Variants in NFIA observed in about 807,000 individuals in gnomAD.
NFIA encodes nuclear factor I A, also known as nuclear factor 1 A-type.
A neutral mutation model predicts 62.8 loss-of-function variants in NFIA; 8 were observed. That is an observed-to-expected ratio of 0.13 (90% CI 0.07 to 0.23). NFIA has a LOEUF of 0.23. Ranked by LOEUF, NFIA falls within the 10% of genes least tolerant of loss-of-function variation. The probability of loss-of-function intolerance (pLI) is 1.00; values close to 1 mark genes in which losing one functional copy is unlikely to be tolerated. For synonymous variants in NFIA, 235 were observed against 238.1 expected, an observed-to-expected ratio of 0.99 and a Z score of 0.12; for missense variants, 410 against 642.1, an observed-to-expected ratio of 0.64 and a Z score of 3.91.
intron 2 of NFIA, among the ~76,000 whole-genome samples, chr1:61,147,517 G>T (rs902228534): frequency 2.0e-5 from 3 of 152,146 alleles, no homozygotes; most frequent in Admixed American, 2.0e-4. Context: ...TAATAACTTT[G>T]AGTTACTGTA....
intron 5 of NFIA, among the ~76,000 whole-genome samples, chr1:61,356,958 C>G (rs1219427295): frequency 6.6e-6 from 1 of 152,196 alleles, no homozygotes; most frequent in Non-Finnish European, 1.5e-5. Context: ...CTTTGCCTTT[C>G]TAAATCTATC....
intron 10 of NFIA, among the ~76,000 whole-genome samples, chr1:61,441,489 T>C (rs536781802): frequency 6.6e-6 from 1 of 152,294 alleles, no homozygotes; most frequent in Admixed American, 6.5e-5. Context: ...TGCTTCTACA[T>C]GAGGCAGGTT....
chr1:61,153,592 T>G (rs1648578519), intron 2 of NFIA, among the ~76,000 whole-genome samples: 1 of 152,240 alleles, frequency 6.6e-6, no homozygotes. Flanking sequence ...ATAAAAGTGT[T>G]TGTGCAATGA....
At chr1:61,353,929 G>T (rs1310818215) in intron 5 of NFIA, among the ~76,000 whole-genome samples, 1 of 152,220 alleles carries the variant, frequency 6.6e-6, no homozygotes, top group Non-Finnish European at 1.5e-5. Flanking sequence ...AATGTTTGCT[G>T]ATGGGAGAGA....
chr1:61,309,845 C>T (rs1248989803), intron 3 of NFIA, among the ~76,000 whole-genome samples: 2 of 152,202 alleles, frequency 1.3e-5, no homozygotes, highest in African/African-American at 2.4e-5. Flanking sequence ...GCCGAGATTG[C>T]ACCACTGCAC....
At chr1:61,100,412 C>A (rs1211421392) in intron 2 of NFIA, among the ~76,000 whole-genome samples, 1 of 152,138 alleles carries the variant, frequency 6.6e-6, no homozygotes, top group African/African-American at 2.4e-5. Flanking sequence ...CAGCACTAAT[C>A]TTAGGCACTG....
intron 2 of NFIA, among the ~76,000 whole-genome samples, chr1:61,239,898 A>G (rs1262970003): frequency 6.6e-6 from 1 of 152,106 alleles, no homozygotes; most frequent in Non-Finnish European, 1.5e-5. Context: ...AAAATATATC[A>G]TTCATGTCTT....
Position 61,408,198 on chromosome 1 carries a change from TC to T in NFIA, c.1420+1472del, listed in dbSNP as rs539032252. ...GGGCAATCTAGGGAAGACCTACTTCTCTTGGTAAGAGGTGATTCAACACTTG... is the reference window on the plus strand; with the variant it reads ...GGGCAATCTAGGGAAGACCTACTTCTTTGGTAAGAGGTGATTCAACACTTG... On this transcript the variant is annotated intron_variant, in intron 9 of 10. Coordinates refer to ENST00000403491, the MANE Select transcript of NFIA (RefSeq NM_001134673.4). Among the ~76,000 whole-genome samples the T allele has an allele frequency of 4.8e-3, 731 of 152,344 alleles. 7 individuals carry two copies. The highest frequency in any genetic ancestry group is 0.016 in the African/African-American group (686 of 41,588).
At chr1:61,230,208 A>G (rs1250794157) in intron 2 of NFIA, among the ~76,000 whole-genome samples, 2 of 152,212 alleles carry the variant, frequency 1.3e-5, no homozygotes, top group Non-Finnish European at 2.9e-5. Context: ...ATCATCTCCA[A>G]TAAGAAGCTG....
intron 2 of NFIA, among the ~76,000 whole-genome samples, chr1:61,096,217 T>C (rs1646409031): frequency 6.6e-6 from 1 of 152,156 alleles, no homozygotes; most frequent in Admixed American, 6.5e-5. Context: ...TTTTTTTTGT[T>C]GTTGTTGTTG....
At chr1:61,398,340 G>A (rs1387305931) in intron 7 of NFIA, among the ~76,000 whole-genome samples, 1 of 152,198 alleles carries the variant, frequency 6.6e-6, no homozygotes, top group East Asian at 1.9e-4. Flanking sequence ...AATTGATCTA[G>A]ATAAAAATTT....
intron 10 of NFIA, among the ~76,000 whole-genome samples, chr1:61,450,071 G>A (rs192467105): frequency 1.3e-5 from 2 of 152,194 alleles, no homozygotes; most frequent in East Asian, 3.9e-4. Flanking sequence ...AAATCCTATT[G>A]GGAGAAAAGC....
intron 4 of NFIA, 28 bp downstream of exon 4, chr1:61,332,614 A>G (rs758005386): frequency 4.2e-5 from 67 of 1,601,184 alleles, no homozygotes; most frequent in Non-Finnish European, 5.6e-5. Context: ...TTGATTTGGT[A>G]CAGATTTGCC....
intron 7 of NFIA, among the ~76,000 whole-genome samples, chr1:61,402,461 G>A (rs2100518437): frequency 6.6e-6 from 1 of 152,234 alleles, no homozygotes; most frequent in South Asian, 2.1e-4. Flanking sequence ...TGTTTATTCA[G>A]TCATTCACTG....
intron 3 of NFIA, among the ~76,000 whole-genome samples, chr1:61,315,377 CATATATGTTTGTGT>C (rs1456196321): frequency 6.6e-6 from 1 of 152,190 alleles, no homozygotes; most frequent in East Asian, 1.9e-4. Context: ...AACTCGCATA[CATATATGTTTGTGT>C]ATACATGCAT....
Position 61,369,385 on chromosome 1 carries a change from A to G in NFIA, c.946+10111A>G, listed in dbSNP as rs553520802. 4.3e-4 allele frequency among the ~76,000 whole-genome samples: 65 copies of G among 152,312 alleles called. 1 individual carries two copies. Among genetic ancestry groups the G allele is most frequent in the African/African-American group, 1.4e-3 (59 of 41,576 alleles). ...ATTAAATTCACCAGAGGGTAGAATA[A>G]CCAGAAAGTGTAGTTGGAAGAGGAG... On this transcript the variant is annotated intron_variant, in intron 6 of 10. Coordinates refer to ENST00000403491, the MANE Select transcript of NFIA (RefSeq NM_001134673.4).
rs144015517 is a variant in NFIA, at chr1:61,208,694, C to T, written c.560-68826C>T. Among the ~76,000 whole-genome samples, 34 of 152,226 alleles carry T rather than the reference C, an allele frequency of 2.2e-4. No homozygotes were observed. The East Asian group carries it at 4.8e-3, about 22-fold the overall frequency. ...TAAGACATTGCTTATGAACCTTATACGTAGTGGCTTGCTATTATTCTTGTA... is the reference window on the plus strand; with the variant it reads ...TAAGACATTGCTTATGAACCTTATATGTAGTGGCTTGCTATTATTCTTGTA... On this transcript the variant is annotated intron_variant, in intron 2 of 10. Transcript: ENST00000403491.
At chr1:61,125,029 G>C (rs1646944990) in intron 2 of NFIA, 1 of 152,170 alleles carries the variant, frequency 6.6e-6, no homozygotes, top group Non-Finnish European at 1.5e-5. Context: ...TGCTGCCTTA[G>C]GAGGCATGGA....
intron 2 of NFIA, among the ~76,000 whole-genome samples, chr1:61,123,503 G>A (rs1181367467): frequency 6.6e-6 from 1 of 152,188 alleles, no homozygotes; most frequent in Non-Finnish European, 1.5e-5. Context: ...TGTTGGATCT[G>A]GGCATGTGAT....
Sources: allele counts gnomAD v4.1 joint callset (sites outside exome capture counted in the v4.1 genomes callset), GRCh38; gene constraint gnomAD v4.1.1; transcripts MANE v1.5; gene names NCBI Gene and HGNC (gene_info 2026-07-23, HGNC 2026-07-21).